The following ADAMTS12 variants were observed in gnomAD, a reference collection of about 807,000 sequenced individuals.
The protein encoded by ADAMTS12 is ADAM metallopeptidase with thrombospondin type 1 motif 12.
Under a neutral mutation model 167.8 loss-of-function variants are expected in ADAMTS12, and 118 were observed. That is an observed-to-expected ratio of 0.70 (90% CI 0.61 to 0.82). ADAMTS12 has a LOEUF of 0.82. Among genes scored for constraint, ADAMTS12 ranks in the 40% least tolerant of loss-of-function variants. ADAMTS12 has a pLI of 0.00. For missense variants in ADAMTS12, 1,916 were observed against 1,998.8 expected (o/e 0.96, Z 0.79); for synonymous variants, 704 against 716.9 (o/e 0.98, Z 0.29).
chr5:33,694,419 T>A (rs1400693715), intron 3 of ADAMTS12, among the ~76,000 whole-genome samples: 1 of 152,222 alleles, frequency 6.6e-6, no homozygotes, highest in African/African-American at 2.4e-5. Flanking sequence ...ATTTCTTGGT[T>A]GTTTAAAAGA....
intron 16 of ADAMTS12, among the ~76,000 whole-genome samples, chr5:33,610,634 C>A (rs1738684474): frequency 6.6e-6 from 1 of 152,012 alleles, no homozygotes; most frequent in African/African-American, 2.4e-5. Context: ...TTAAAGAAGC[C>A]CAAATACGGA....
At chr5:33,823,959 A>G (rs1747963052) in intron 2 of ADAMTS12, among the ~76,000 whole-genome samples, 1 of 152,196 alleles carries the variant, frequency 6.6e-6, no homozygotes, top group Non-Finnish European at 1.5e-5. Flanking sequence ...CTATGCATAC[A>G]TGTATCAAAT....
rs535333694 is a variant in ADAMTS12 at position 33,538,222 on chromosome 5, C to T, written c.4447-3230G>A. The stretch of plus-strand genomic sequence containing the variant: ...CAATCATGGTGGAAGGGAAGAGGCA[C>T]ATCTTACATGGCAGCAGGTGAGGGA... On this transcript the variant is annotated intron_variant, in intron 22 of 23. Coordinates refer to ENST00000504830, the MANE Select transcript of ADAMTS12 (RefSeq NM_030955.4). 1.2e-3 allele frequency among the ~76,000 whole-genome samples: 186 copies of T among 152,252 alleles called. 1 individual carries two copies. Among genetic ancestry groups the T allele is most frequent in the African/African-American group, 4.2e-3 (175 of 41,524 alleles).
chr5:33,806,036 C>T (rs1053026031), intron 2 of ADAMTS12, among the ~76,000 whole-genome samples: 1 of 151,838 alleles, frequency 6.6e-6, no homozygotes, highest in Non-Finnish European at 1.5e-5. Context: ...GTGTAAATAT[C>T]TAAAATTAGA....
In ADAMTS12 at chr5:33,891,806, C is replaced by G. The variant is rs1750868765; in HGVS notation, c.51G>C (p.Gln17His). The change falls in exon 1 of 24, where the codon CAG becomes CAC. Residue 17 changes from glutamine to histidine, a missense_variant. Transcript: ENST00000504830. ...AGCAAAGCGCCCCAAAGTTAAGGAG[C>G]TGAGCCACCACGGAAAGGTTTGCAA... ...SWLANLSVVA[Q>H]LLNFGALCYG... The G allele has an allele frequency of 6.2e-7, 1 of 1,614,120 alleles. No individual in the cohort carries two copies.
At chr5:33,849,520 T>C (rs1259822775) in intron 2 of ADAMTS12, among the ~76,000 whole-genome samples, 1 of 146,892 alleles carries the variant, frequency 6.8e-6, no homozygotes, top group Non-Finnish European at 1.5e-5. Context: ...AATATATATA[T>C]ATGTATTGCA....
At chr5:33,638,917 A>C (rs1740318090) in intron 11 of ADAMTS12, among the ~76,000 whole-genome samples, 1 of 152,162 alleles carries the variant, frequency 6.6e-6, no homozygotes, top group Non-Finnish European at 1.5e-5. Context: ...TGAAGAAACT[A>C]TCCTTTGAGA....
At chr5:33,876,233 A>G (rs1364286667) in intron 2 of ADAMTS12, among the ~76,000 whole-genome samples, 1 of 152,208 alleles carries the variant, frequency 6.6e-6, no homozygotes, top group Non-Finnish European at 1.5e-5. Flanking sequence ...CCAAACTAAT[A>G]TATAGATGTA....
chr5:33,649,503 T>A lies in ADAMTS12; in HGVS notation c.1334+51A>T, dbSNP rs376725784. 1.5e-5 allele frequency: 24 copies of A among 1,593,236 alleles called. No homozygotes were observed. The East Asian group carries it at 1.6e-4, about 10-fold the overall frequency. ...TTCTCTGTGTAAAACTCAATGCAGC[T>A]TCCAATTTAAAGAGACCCAGGTGAG... On this transcript the variant is annotated intron_variant, in intron 8 of 23. Coordinates refer to ENST00000504830, the MANE Select transcript of ADAMTS12 (RefSeq NM_030955.4).
intron 6 of ADAMTS12, among the ~76,000 whole-genome samples, chr5:33,659,928 C>T (rs1329946131): frequency 6.6e-6 from 1 of 152,178 alleles, no homozygotes; most frequent in Non-Finnish European, 1.5e-5. Context: ...CTCTTCACCC[C>T]CTCCTAAGGG....
rs766160981 is a variant in ADAMTS12 at position 33,648,873 on chromosome 5, G to A, written c.1428C>T (p.His476=). 22 of 1,613,894 alleles carry A rather than the reference G, an allele frequency of 1.4e-5. No homozygotes were observed. In the East Asian group the frequency reaches 2.0e-4, roughly 15 times the overall value. ...IAPGVIYDVH[H]QCQLQYGPNA... ...TGGGTCCATATTGTAGCTGGCACTGGTGGTGAACATCATAGATCACTCCGG... is the reference window on the plus strand; with the variant it reads ...TGGGTCCATATTGTAGCTGGCACTGATGGTGAACATCATAGATCACTCCGG... Residue 476 remains histidine, a synonymous_variant, in exon 9 of 24, where the codon CAC becomes CAT. Transcript: ENST00000504830.
At chr5:33,533,861 G>T (rs1302996743) in intron 23 of ADAMTS12, among the ~76,000 whole-genome samples, 1 of 152,052 alleles carries the variant, frequency 6.6e-6, no homozygotes, top group Admixed American at 6.5e-5. Context: ...CTCCTGTTGG[G>T]CTTCCTCTCT....
At chr5:33,559,131 G>A (rs947027691) in intron 20 of ADAMTS12, among the ~76,000 whole-genome samples, 1 of 152,154 alleles carries the variant, frequency 6.6e-6, no homozygotes, top group African/African-American at 2.4e-5. Flanking sequence ...TCTGTCTGGG[G>A]ACATGAGCTC....
In ADAMTS12 at chr5:33,547,455, A is replaced by T. The variant is rs565056343; in HGVS notation, c.4303-1253T>A. On this transcript the variant is annotated intron_variant, in intron 21 of 23. Transcript: ENST00000504830. ...GTCCCACAGCTAAAATGCATCTGCC[A>T]TGGAGGGTAGTTGAGGCGGGCCGAT... 1.6e-4 allele frequency among the ~76,000 whole-genome samples: 25 copies of T among 152,250 alleles called. No homozygotes were observed. The South Asian group carries it at 5.0e-3, about 30-fold the overall frequency.
In ADAMTS12 at chr5:33,766,907, T is replaced by C. The variant is rs10075945; in HGVS notation, c.490-15359A>G. On this transcript the variant is annotated intron_variant, in intron 2 of 23. Coordinates refer to ENST00000504830, the MANE Select transcript of ADAMTS12 (RefSeq NM_030955.4). ...CAATATTCATTAAAAGCCTCAGAAA[T>C]ACATACTTTTCATCCCAACACTCCA... 3.9e-3 allele frequency among the ~76,000 whole-genome samples: 589 copies of C among 152,182 alleles called. 6 individuals are homozygous for C. Among genetic ancestry groups the C allele is most frequent in the African/African-American group, 0.014 (570 of 41,550 alleles).
rs149420854 is a variant in ADAMTS12, at chr5:33,564,894, AG to A, written c.3973-3716del. Among the ~76,000 whole-genome samples the A allele has an allele frequency of 1.2e-3, 182 of 152,334 alleles. 1 individual carries two copies. In the Middle Eastern group the frequency reaches 0.034, roughly 28 times the overall value. Reference sequence around the variant, plus strand: ...GACTAACAGAGGACATAAAGAGGAGAGGACAGGAATGATGAGGTGATACTGA... The same window carrying A: ...GACTAACAGAGGACATAAAGAGGAGAGACAGGAATGATGAGGTGATACTGA... On this transcript the variant is annotated intron_variant, in intron 19 of 23. Coordinates refer to ENST00000504830, the MANE Select transcript of ADAMTS12 (RefSeq NM_030955.4).
In ADAMTS12 at chr5:33,833,257, T is replaced by C. The variant is rs377264947; in HGVS notation, c.489+47862A>G. 6.6e-5 allele frequency among the ~76,000 whole-genome samples: 10 copies of C among 152,342 alleles called. No homozygotes were observed. The South Asian group carries it at 1.9e-3, about 28-fold the overall frequency. ...AACTGCATAACAGTATTTGCTTTTTTAGTTTGTATGTACCCATTGGCCTCA... is the reference window on the plus strand; with the variant it reads ...AACTGCATAACAGTATTTGCTTTTTCAGTTTGTATGTACCCATTGGCCTCA... On this transcript the variant is annotated intron_variant, in intron 2 of 23. Transcript: ENST00000504830.
At chr5:33,709,943 A>G (rs1743334210) in intron 3 of ADAMTS12, among the ~76,000 whole-genome samples, 1 of 152,144 alleles carries the variant, frequency 6.6e-6, no homozygotes, top group Non-Finnish European at 1.5e-5. Context: ...GAAAAAATGT[A>G]GTAGAGTAAG....
At chr5:33,640,904 G>A (rs1461627920) in intron 11 of ADAMTS12, among the ~76,000 whole-genome samples, 5 of 150,456 alleles carry the variant, frequency 3.3e-5, no homozygotes, top group Non-Finnish European at 7.4e-5. Flanking sequence ...ATACATCTAG[G>A]TAATACAGTT....
Sources: gnomAD v4.1 joint callset for allele counts (sites outside exome capture counted in the v4.1 genomes callset) on GRCh38, gnomAD v4.1.1 for gene constraint, MANE v1.5 for transcripts, NCBI Gene and HGNC (gene_info 2026-07-23, HGNC 2026-07-21) for gene names.